The following ANO2 variants were observed in gnomAD, a reference collection of about 807,000 sequenced individuals.
ANO2 encodes the protein anoctamin-2.
ANO2 carries 101 observed loss-of-function variants against 124.2 expected under a neutral mutation model. That is an observed-to-expected ratio of 0.81 (90% CI 0.69 to 0.96). The LOEUF is 0.96. Among genes scored for constraint, ANO2 ranks in the 40% least tolerant of loss-of-function variants. The pLI is 0.00. For synonymous variants in ANO2, 486 were observed against 482.5 expected (o/e 1.01, Z -0.09); for missense variants, 1,293 against 1,274.5 (o/e 1.01, Z -0.22).
chr12:5,823,642 A>G (rs1953872934), intron 7 of ANO2, among the ~76,000 whole-genome samples: 1 of 152,210 alleles, frequency 6.6e-6, no homozygotes, highest in Non-Finnish European at 1.5e-5. Flanking sequence ...CCAGGCACAC[A>G]GCGCAAGCTG....
At chr12:5,805,206 T>C (rs1030861452) in intron 9 of ANO2, among the ~76,000 whole-genome samples, 1 of 152,158 alleles carries the variant, frequency 6.6e-6, no homozygotes, top group East Asian at 1.9e-4. Flanking sequence ...CAGGGACTAA[T>C]AGGCAGGATA....
At chr12:5,789,550 C>T (rs142054264) in intron 10 of ANO2, among the ~76,000 whole-genome samples, 21 of 152,346 alleles carry the variant, frequency 1.4e-4, no homozygotes, top group African/African-American at 5.1e-4. Context: ...AGTCTCTTCA[C>T]GGCTGAGCCA....
intron 3 of ANO2, among the ~76,000 whole-genome samples, chr12:5,905,516 A>G (rs1347757856): frequency 1.3e-5 from 2 of 152,152 alleles, no homozygotes; most frequent in African/African-American, 4.8e-5. Context: ...GGAAAGAGAG[A>G]GCAGGTATTC....
chr12:5,822,092 C>T (rs1953818302), intron 7 of ANO2, among the ~76,000 whole-genome samples: 1 of 152,178 alleles, frequency 6.6e-6, no homozygotes, highest in Non-Finnish European at 1.5e-5. Flanking sequence ...TAGGACATCC[C>T]TAAGGACAGC....
intron 10 of ANO2, among the ~76,000 whole-genome samples, chr12:5,759,463 T>C (rs1951677039): frequency 6.6e-6 from 1 of 151,966 alleles, no homozygotes; most frequent in Non-Finnish European, 1.5e-5. Flanking sequence ...TACCTGTCCA[T>C]GTCCAGTTAG....
At chr12:5,889,688 C>G (rs1401738689) in intron 3 of ANO2, among the ~76,000 whole-genome samples, 2 of 152,196 alleles carry the variant, frequency 1.3e-5, no homozygotes, top group African/African-American at 2.4e-5. Flanking sequence ...ATGCTGGCCA[C>G]CAGACAGGCC....
intron 20 of ANO2, among the ~76,000 whole-genome samples, chr12:5,593,610 A>T (rs557914753): frequency 2.4e-3 from 371 of 152,342 alleles, no homozygotes; most frequent in African/African-American, 8.6e-3. Flanking sequence ...TTTTGAGTCA[A>T]AAACTTTCTA....
At position 5,635,581 on chromosome 12, in the gene ANO2, C is replaced by T. The variant is rs759650061; in HGVS notation, c.1621-234G>A. On this transcript the variant is annotated intron_variant, in intron 15 of 24. Transcript: ENST00000682330. The surrounding 1 kb of genome is among the most constrained non-coding windows in gnomAD (Gnocchi z 5.2). The stretch of plus-strand genomic sequence containing the variant: ...CAGGGGAGAATGTCTTAATTTTTGT[C>T]AGATTCCAAATGATTTATCACACAC... Among the ~76,000 whole-genome samples the T allele has an allele frequency of 4.1e-5, 6 of 145,094 alleles. No individual in the cohort carries two copies. Among genetic ancestry groups the T allele is most frequent in the Non-Finnish European group, 6.0e-5 (4 of 67,204 alleles).
At chr12:5,839,541 T>C (rs1591678856) in intron 4 of ANO2, 1 of 455,692 alleles carries the variant, frequency 2.2e-6, no homozygotes, top group East Asian at 7.0e-5. Flanking sequence ...TACCACTCCA[T>C]GGCTCTGAAC....
intron 14 of ANO2, among the ~76,000 whole-genome samples, chr12:5,731,504 T>C (rs1181249004): frequency 6.6e-6 from 1 of 152,004 alleles, no homozygotes; most frequent in Non-Finnish European, 1.5e-5. Context: ...AAATCCAAGA[T>C]GGAGAAAAGA....
chr12:5,587,327 T>C (rs917715493), intron 20 of ANO2, among the ~76,000 whole-genome samples: 1 of 152,234 alleles, frequency 6.6e-6, no homozygotes, highest in Non-Finnish European at 1.5e-5. Flanking sequence ...GAAACGGTGA[T>C]AAAACTTTAC....
chr12:5,615,464 T>C (rs574394722), intron 16 of ANO2, among the ~76,000 whole-genome samples, 167 bp from the exon 17 acceptor site: 3 of 152,134 alleles, frequency 2.0e-5, no homozygotes, highest in Non-Finnish European at 4.4e-5. Context: ...AGGCCCCAGG[T>C]GGTCTGCCAG....
rs193190910 is a variant in ANO2, at chr12:5,905,604, G to A, written c.534+15436C>T. On this transcript the variant is annotated intron_variant, in intron 3 of 24. Transcript: ENST00000682330. ...GAGAAGCTTTCAGGACAAGGAGACAGTGCCTGACATACTGTCCCTAGGAAA... is the reference window on the plus strand; with the variant it reads ...GAGAAGCTTTCAGGACAAGGAGACAATGCCTGACATACTGTCCCTAGGAAA... 2.5e-3 allele frequency among the ~76,000 whole-genome samples: 377 copies of A among 152,254 alleles called. 4 individuals carry two copies. Among genetic ancestry groups the A allele is most frequent in the Non-Finnish European group, 1.6e-3 (110 of 68,006 alleles).
intron 10 of ANO2, among the ~76,000 whole-genome samples, chr12:5,788,636 G>A (rs192344611): frequency 6.6e-6 from 1 of 152,318 alleles, no homozygotes; most frequent in East Asian, 1.9e-4. Context: ...TCGGCTCACT[G>A]CAACCTCTGC....
intron 14 of ANO2, among the ~76,000 whole-genome samples, chr12:5,668,828 C>G (rs1460094769): frequency 6.6e-6 from 1 of 152,060 alleles, no homozygotes; most frequent in South Asian, 2.1e-4. Flanking sequence ...CTTGTTTTTG[C>G]CAGATTTCTC....
At chr12:5,923,054 A>G (rs566244771) in intron 1 of ANO2, among the ~76,000 whole-genome samples, 9 of 136,358 alleles carry the variant, frequency 6.6e-5, no homozygotes, top group Admixed American at 1.5e-4. Context: ...ACGCACACAC[A>G]CCCACATACA....
intron 4 of ANO2, among the ~76,000 whole-genome samples, chr12:5,849,075 C>A (rs1483866751): frequency 6.6e-6 from 1 of 152,212 alleles, no homozygotes; most frequent in East Asian, 1.9e-4. Flanking sequence ...ACAGCATCTA[C>A]TTGCGTGCAA....
intron 12 of ANO2, among the ~76,000 whole-genome samples, chr12:5,742,871 C>G (rs1234594462): frequency 6.6e-6 from 1 of 152,072 alleles, no homozygotes; most frequent in East Asian, 1.9e-4. Flanking sequence ...TCAGTGTGTT[C>G]TACCAACCCT....
At chr12:5,625,898 C>G (rs1249328924) in intron 16 of ANO2, among the ~76,000 whole-genome samples, 1 of 152,174 alleles carries the variant, frequency 6.6e-6, no homozygotes, top group African/African-American at 2.4e-5. Flanking sequence ...ATTTATCTTT[C>G]TGAGCCTCAG....
Sources: allele counts gnomAD v4.1 joint callset (sites outside exome capture counted in the v4.1 genomes callset), GRCh38; gene constraint gnomAD v4.1.1; non-coding constraint Gnocchi (gnomAD v3.1); transcripts MANE v1.5; gene names NCBI Gene and HGNC (gene_info 2026-07-23, HGNC 2026-07-21).